Variants in B3GALT1 observed in about 807,000 individuals in gnomAD.
B3GALT1 encodes the protein beta-1,3-galactosyltransferase 1, also known as UDP-Gal:betaGlcNAc beta 1,3-galactosyltransferase, polypeptide 1.
B3GALT1 carries 10 observed loss-of-function variants against 23.2 expected under a neutral mutation model. The ratio of observed to expected loss-of-function variants is 0.43; its 90% CI spans 0.27 to 0.73. The LOEUF is 0.73. B3GALT1 is among the 30% of genes least tolerant of loss of function. The pLI is 0.21. For missense variants in B3GALT1, 299 were observed against 405.4 expected (o/e 0.74, Z 2.25); for synonymous variants, 156 against 141.5 (o/e 1.10, Z -0.73).
At chr2:167,319,556 C>T (rs1540820) in intron 1 of B3GALT1, among the ~76,000 whole-genome samples, 129,262 of 152,008 alleles carry the variant, frequency 0.85, 55,418 homozygotes, top group Middle Eastern at 0.92. Flanking sequence ...AAGTCACTTA[C>T]TGGATTTTCT....
In B3GALT1 at chr2:167,405,289, A is replaced by C. The variant is rs76078158; in HGVS notation, c.-510-84888A>C. ...ATATCAGTAGTAGTAAATAATTACT[A>C]TCATTTAAAAGGACTATGTTTTAAT... On this transcript the variant is annotated intron_variant, in intron 1 of 4. Transcript: ENST00000392690. Among the ~76,000 whole-genome samples, 909 of 152,306 alleles carry C rather than the reference A, an allele frequency of 6.0e-3. 10 individuals are homozygous for C. Among genetic ancestry groups the C allele is most frequent in the African/African-American group, 0.021 (872 of 41,568 alleles).
rs1690308328 is a variant in B3GALT1, at chr2:167,869,871, C to T, written c.832C>T (p.His278Tyr). Residue 278 changes from histidine to tyrosine, a missense_variant, in exon 5 of 5, where the codon CAT (histidine) becomes TAT (tyrosine). Transcript: ENST00000392690. This position sits in a 1 kb window ranked among gnomAD's most constrained non-coding sequence, Gnocchi z 6.4. ...ACTGTGTCTTCGAAAGCTGGGCATA[C>T]ATCCTTTCCAGAACAGTGGCTTCAA... ...VGLCLRKLGI[H>Y]PFQNSGFNHW... The T allele has an allele frequency of 6.2e-7, 1 of 1,614,196 alleles. No homozygotes were observed. The highest frequency in any genetic ancestry group is 2.2e-5 in the East Asian group (1 of 44,880).
intron 1 of B3GALT1, among the ~76,000 whole-genome samples, chr2:167,419,673 C>A (rs1698519625): frequency 6.6e-6 from 1 of 152,156 alleles, no homozygotes; most frequent in Non-Finnish European, 1.5e-5. Flanking sequence ...TACATCATCC[C>A]TGAATTAGTG....
intron 3 of B3GALT1, among the ~76,000 whole-genome samples, chr2:167,720,656 A>C (rs1363477013): frequency 6.6e-6 from 1 of 152,230 alleles, no homozygotes; most frequent in African/African-American, 2.4e-5. Context: ...AGTGTCATTC[A>C]ATACATATAT....
chr2:167,439,179 T>A (rs1559096645), intron 1 of B3GALT1, among the ~76,000 whole-genome samples: 1 of 152,224 alleles, frequency 6.6e-6, no homozygotes, highest in Non-Finnish European at 1.5e-5. Context: ...ATACCTGACA[T>A]AGTAGTGATA....
At chr2:167,432,679 C>CA (rs2105308067) in intron 1 of B3GALT1, among the ~76,000 whole-genome samples, 1 of 152,236 alleles carries the variant, frequency 6.6e-6, no homozygotes, top group African/African-American at 2.4e-5. Flanking sequence ...TTGAAAAACT[C>CA]AAAGTGGAGC....
chr2:167,509,842 C>G (rs1236616221), intron 2 of B3GALT1, among the ~76,000 whole-genome samples: 1 of 152,042 alleles, frequency 6.6e-6, no homozygotes, highest in East Asian at 1.9e-4. Flanking sequence ...AGGTTTAGAA[C>G]AAAGGAATGA....
At chr2:167,362,718 C>T (rs751453321) in intron 1 of B3GALT1, among the ~76,000 whole-genome samples, 5 of 151,640 alleles carry the variant, frequency 3.3e-5, no homozygotes, top group Admixed American at 6.6e-5. Flanking sequence ...CTTTTTTGCT[C>T]GTTTCTTAAT....
intron 3 of B3GALT1, among the ~76,000 whole-genome samples, chr2:167,739,805 TC>T (rs754904019): frequency 6.6e-6 from 1 of 151,732 alleles, no homozygotes. Flanking sequence ...TAAAAGCAGT[TC>T]TAGGCCAGGC....
intron 2 of B3GALT1, among the ~76,000 whole-genome samples, chr2:167,551,230 T>A (rs566249487): frequency 1.8e-4 from 28 of 152,326 alleles, no homozygotes; most frequent in African/African-American, 6.7e-4. Context: ...GCCAGCCTCT[T>A]CCACCAAATT....
chr2:167,674,624 T>C (rs76608590), intron 3 of B3GALT1, among the ~76,000 whole-genome samples: 6,470 of 152,288 alleles, frequency 0.042, 487 homozygotes, highest in African/African-American at 0.15. Context: ...AAGGAGCCTA[T>C]TACATCCTGT....
intron 4 of B3GALT1, among the ~76,000 whole-genome samples, chr2:167,829,949 C>T (rs972483097): frequency 6.6e-6 from 1 of 152,126 alleles, no homozygotes; most frequent in Non-Finnish European, 1.5e-5. Flanking sequence ...GGGCTGACTA[C>T]AAGTAACCAC....
intron 3 of B3GALT1, among the ~76,000 whole-genome samples, chr2:167,726,311 C>T (rs866699725): frequency 1.3e-5 from 2 of 152,152 alleles, no homozygotes; most frequent in African/African-American, 4.8e-5. Context: ...TATTTCCAGT[C>T]CTACCCTCTA....
chr2:167,608,001 G>T (rs562789124), intron 2 of B3GALT1, among the ~76,000 whole-genome samples: 1 of 152,062 alleles, frequency 6.6e-6, no homozygotes, highest in Non-Finnish European at 1.5e-5. Flanking sequence ...AATAAGAAAG[G>T]CCATTTCACC....
chr2:167,588,125 G>A (rs1403199234), intron 2 of B3GALT1, among the ~76,000 whole-genome samples: 1 of 152,158 alleles, frequency 6.6e-6, no homozygotes, highest in Non-Finnish European at 1.5e-5. Flanking sequence ...TATGAAATGT[G>A]TTCAGGAAAT....
chr2:167,436,825 A>G (rs1005371541), intron 1 of B3GALT1, among the ~76,000 whole-genome samples: 11 of 152,122 alleles, frequency 7.2e-5, no homozygotes, highest in African/African-American at 2.2e-4. Flanking sequence ...TAAATAGCCT[A>G]ACTACTACAT....
At chr2:167,685,403 C>G (rs1686602531) in intron 3 of B3GALT1, among the ~76,000 whole-genome samples, 1 of 152,116 alleles carries the variant, frequency 6.6e-6, no homozygotes, top group Non-Finnish European at 1.5e-5. Flanking sequence ...ATCCATTATT[C>G]TAGTTAGAGT....
At chr2:167,443,440 C>T (rs187934263) in intron 1 of B3GALT1, among the ~76,000 whole-genome samples, 9 of 152,306 alleles carry the variant, frequency 5.9e-5, no homozygotes, top group Admixed American at 3.9e-4. Flanking sequence ...ATGGGAATGG[C>T]ATTGAATCTA....
At chr2:167,578,456 A>T (rs1252042932) in intron 2 of B3GALT1, among the ~76,000 whole-genome samples, 1 of 151,522 alleles carries the variant, frequency 6.6e-6, no homozygotes, top group African/African-American at 2.4e-5. Context: ...ATCATGACTA[A>T]ATGAGTTCTA....
Sources: allele counts gnomAD v4.1 joint callset (sites outside exome capture counted in the v4.1 genomes callset), GRCh38; gene constraint gnomAD v4.1.1; non-coding constraint Gnocchi (gnomAD v3.1); transcripts MANE v1.5; gene names NCBI Gene and HGNC (gene_info 2026-07-23, HGNC 2026-07-21).